The following EPHX2 variants were observed in gnomAD, a reference collection of about 807,000 sequenced individuals.
EPHX2 encodes the protein epoxide hydrolase 2.
A neutral mutation model predicts 78.7 loss-of-function variants in EPHX2; 74 were observed. The observed-to-expected ratio is 0.94, with a 90% CI of 0.78 to 1.14. EPHX2 has a LOEUF of 1.14. Ranked by LOEUF, EPHX2 falls within the 50% of genes most tolerant of loss-of-function variation. The pLI, the probability that EPHX2 is intolerant of heterozygous loss-of-function variation, is 0.00. For missense variants in EPHX2, 715 were observed against 702.5 expected (o/e 1.02, Z -0.20); for synonymous variants, 251 against 255.2 (o/e 0.98, Z 0.16).
intron 15 of EPHX2, 68 bp from the exon 16 acceptor site, chr8:27,541,405 C>T: frequency 6.6e-7 from 1 of 1,526,556 alleles, no homozygotes; most frequent in Non-Finnish European, 9.1e-7. Flanking sequence ...GAGCAGGTTT[C>T]TGCTGGTGTC....
chr8:27,502,975 C>T (rs751819529), intron 2 of EPHX2, among the ~76,000 whole-genome samples: 35 of 152,050 alleles, frequency 2.3e-4, no homozygotes, highest in African/African-American at 3.1e-4. Flanking sequence ...TTGTGCCCCC[C>T]GCCCAAAATC....
At chr8:27,531,951 C>G (rs972353702) in intron 12 of EPHX2, among the ~76,000 whole-genome samples, 2 of 152,154 alleles carry the variant, frequency 1.3e-5, no homozygotes, top group Admixed American at 1.3e-4. Context: ...CCCCTACCAG[C>G]GCTGAGTGGA....
downstream of EPHX2, among the ~76,000 whole-genome samples, chr8:27,548,459 C>T (rs1315572497): frequency 1.3e-5 from 2 of 152,166 alleles, no homozygotes; most frequent in Admixed American, 1.3e-4. Context: ...GTGTCAACTC[C>T]TGCACCCAAA....
Position 27,522,520 on chromosome 8 carries a change from T to C in EPHX2, c.1058+12T>C, listed in dbSNP as rs1484610149. The C allele has an allele frequency of 1.2e-6, 2 of 1,613,128 alleles. No individual in the cohort carries two copies. The highest frequency in any genetic ancestry group is 2.7e-5 in the African/African-American group (2 of 74,858). ...CCCGAGAGAGTGAGGTAATTGGGCCTCGGGCAATAAAGATTTGGAGGAGGC... is the reference window on the plus strand; with the variant it reads ...CCCGAGAGAGTGAGGTAATTGGGCCCCGGGCAATAAAGATTTGGAGGAGGC... On this transcript the variant is annotated intron_variant, in intron 11 of 18. Transcript: ENST00000521400.
downstream of EPHX2, among the ~76,000 whole-genome samples, chr8:27,548,353 C>T (rs569657902): frequency 6.6e-6 from 1 of 152,186 alleles, no homozygotes; most frequent in East Asian, 1.9e-4. Flanking sequence ...GGTTTTTTTC[C>T]AACAGGAATT....
At chr8:27,508,283 A>G (rs1292521500) in intron 5 of EPHX2, among the ~76,000 whole-genome samples, 2 of 151,470 alleles carry the variant, frequency 1.3e-5, no homozygotes, top group Admixed American at 6.6e-5. Flanking sequence ...AACCTGGACA[A>G]CAAGAGCGAG....
In EPHX2 at chr8:27,515,635, C is replaced by T. The variant is rs367775736; in HGVS notation, c.736-83C>T. On this transcript the variant is annotated intron_variant, in intron 6 of 18. Transcript: ENST00000521400. ...CAATCCAGCAACGGACTGAAACGGC[C>T]CTGGCATTCTGCAGACGCTGTGGGG... The T allele has an allele frequency of 2.1e-5, 24 of 1,149,942 alleles. No individual in the cohort carries two copies. In the South Asian group the frequency reaches 2.5e-4, roughly 12 times the overall value. 71.2% of individuals were successfully genotyped at this position (1,149,942 alleles called of 1,614,324 possible).
intron 12 of EPHX2, among the ~76,000 whole-genome samples, 192 bp downstream of exon 12, chr8:27,525,665 G>T (rs142401943): frequency 9.3e-4 from 142 of 152,224 alleles, no homozygotes; most frequent in African/African-American, 2.9e-3. Flanking sequence ...GCACATTTCC[G>T]TGTGTGTTCG....
Position 27,491,308 on chromosome 8 carries a change from A to ATGGG in EPHX2, c.100_101insTGGG (p.Arg34MetfsTer7). The ATGGG allele has an allele frequency of 2.0e-6, 3 of 1,520,632 alleles. No individual in the cohort carries two copies. Among genetic ancestry groups the ATGGG allele is most frequent in the Non-Finnish European group, 2.6e-6 (3 of 1,145,980 alleles). The allele number at this position is 1,520,632 out of a possible 1,614,324, so 94.2% of individuals were successfully genotyped here. A position where few individuals can be genotyped will look rare whatever the true frequency, so the allele number is the denominator to read the frequency against. On this transcript the variant is annotated frameshift_variant and splice_region_variant, in exon 1 of 19. Transcript: ENST00000521400. LOFTEE classifies it high-confidence loss of function. ...CACGGAGGAGGCCCTGGCGCTGCCC[A>ATGGG]GGTAAGGGGGCCCAGCGCCGCCGCC... is the stretch of plus-strand genomic sequence containing the variant.
chr8:27,520,102 A>G (rs1814594861), intron 9 of EPHX2, among the ~76,000 whole-genome samples: 4 of 150,442 alleles, frequency 2.7e-5, no homozygotes, highest in African/African-American at 9.8e-5. Context: ...TCAGCCTCCC[A>G]AAGTGCTAGG....
chr8:27,520,749 C>G, intron 9 of EPHX2, 134 bp from the exon 10 acceptor site: 1 of 1,006,082 alleles, frequency 9.9e-7, no homozygotes. Flanking sequence ...TCTTCAAAAA[C>G]AGTCCCATTC....
chr8:27,541,413 G>A, intron 15 of EPHX2, 60 bp from the exon 16 acceptor site: 1 of 1,561,190 alleles, frequency 6.4e-7, no homozygotes, highest in Non-Finnish European at 8.8e-7. Flanking sequence ...TTCTGCTGGT[G>A]TCTGTAGCAG....
intron 14 of EPHX2, chr8:27,539,005 A>T: frequency 3.0e-6 from 1 of 338,416 alleles, no homozygotes; most frequent in Non-Finnish European, 5.5e-6. Flanking sequence ...GCTTACCTCT[A>T]TGGGGGTCAC....
intron 15 of EPHX2, among the ~76,000 whole-genome samples, chr8:27,541,247 C>T (rs1450970027): frequency 6.6e-6 from 1 of 152,206 alleles, no homozygotes; most frequent in Non-Finnish European, 1.5e-5. Context: ...CTAGAGGCTG[C>T]CAGTTCACTC....
intron 1 of EPHX2, among the ~76,000 whole-genome samples, chr8:27,495,409 A>G (rs556123214): frequency 1.1e-3 from 161 of 152,310 alleles, no homozygotes; most frequent in African/African-American, 3.6e-3. Context: ...CCATTGGTAT[A>G]TAGGTTAAGG....
intron 3 of EPHX2, among the ~76,000 whole-genome samples, chr8:27,504,147 G>T (rs1813907733): frequency 6.6e-6 from 1 of 152,196 alleles, no homozygotes; most frequent in Admixed American, 6.5e-5. Context: ...TGAGTTGGCT[G>T]ACATGGGCTC....
downstream of EPHX2, among the ~76,000 whole-genome samples, chr8:27,547,970 C>G (rs1234937350): frequency 1.3e-5 from 2 of 152,108 alleles, no homozygotes; most frequent in Non-Finnish European, 2.9e-5. Context: ...GTATATTCCC[C>G]TCTGCTAAAA....
intron 4 of EPHX2, among the ~76,000 whole-genome samples, 187 bp downstream of exon 4, chr8:27,505,333 G>T (rs753240921): frequency 6.6e-6 from 1 of 152,188 alleles, no homozygotes; most frequent in African/African-American, 2.4e-5. Context: ...TCTCCCAGAG[G>T]TGGGCATTTG....
Position 27,491,202 on chromosome 8 carries a change from C to A in EPHX2, c.-7C>A. ...GTGTCCGGGTGCTAGGCTGCAGACC[C>A]GCCGCCATGACGCTGCGCGCGGCCG... On this transcript the variant is annotated 5_prime_UTR_variant, in exon 1 of 19. Transcript: ENST00000521400. 6.3e-7 allele frequency: 1 copy of A among 1,575,414 alleles called. No individual in the cohort carries two copies. The highest frequency in any genetic ancestry group is 2.3e-5 in the East Asian group (1 of 42,840).
Sources: gnomAD v4.1 joint callset for allele counts (sites outside exome capture counted in the v4.1 genomes callset) on GRCh38, gnomAD v4.1.1 for gene constraint, MANE v1.5 for transcripts, NCBI Gene and HGNC (gene_info 2026-07-23, HGNC 2026-07-21) for gene names.